The following ARHGEF17 variants were observed in gnomAD, a reference collection of about 807,000 sequenced individuals.
The protein encoded by ARHGEF17 is Rho guanine nucleotide exchange factor 17, also known as 164 kDa Rho-specific guanine-nucleotide exchange factor.
A neutral mutation model predicts 174.0 loss-of-function variants in ARHGEF17; 80 were observed. The observed-to-expected ratio is 0.46, with a 90% CI of 0.38 to 0.55. ARHGEF17 has a LOEUF of 0.55. ARHGEF17 is among the 20% of genes least tolerant of loss of function. The pLI is 0.00. For missense variants in ARHGEF17, 2,886 were observed against 2,839.7 expected (o/e 1.02, Z -0.37); for synonymous variants, 1,311 against 1,189.1 (o/e 1.10, Z -2.11).
intron 1 of ARHGEF17, 98 bp downstream of exon 1, chr11:73,311,928 C>G (rs1591716390): frequency 8.7e-6 from 12 of 1,382,460 alleles, no homozygotes; most frequent in Non-Finnish European, 1.2e-5. Context: ...TGGTCAGGTG[C>G]CCAGGTGCCA....
chr11:73,311,110 G>A lies in ARHGEF17; in HGVS notation c.2472G>A (p.Lys824=), dbSNP rs1864822548. 1.2e-6 allele frequency: 2 copies of A among 1,606,216 alleles called. No individual in the cohort carries two copies. The highest frequency in any genetic ancestry group is 1.7e-6 in the Non-Finnish European group (2 of 1,173,884). The change falls in exon 1 of 21, where the codon AAG becomes AAA. Residue 824 remains lysine, a synonymous_variant. Coordinates refer to ENST00000263674, the MANE Select transcript of ARHGEF17 (RefSeq NM_014786.4). Reference sequence around the variant, plus strand: ...ACAGGATTGCTGGCAAAGCCCCCAAGAAGAAATCCCTGAGTGACCCCAGCC... The same window carrying A: ...ACAGGATTGCTGGCAAAGCCCCCAAAAAGAAATCCCTGAGTGACCCCAGCC... ...VDDRIAGKAP[K]KKSLSDPSRR...
chr11:73,311,019 A>G lies in ARHGEF17; in HGVS notation c.2381A>G (p.Lys794Arg). Residue 794 changes from lysine to arginine, a missense_variant, in exon 1 of 21, where the codon AAG (lysine) becomes AGG (arginine). Around this residue, in one of 4 missense-constraint regions of ARHGEF17, gnomAD observed 1,728 missense variants for 1,461.2 expected, o/e 1.18. Transcript: ENST00000263674. The stretch of plus-strand genomic sequence containing the variant: ...TGGTCTGTGGGCAGTGAAGAGAGCA[A>G]GGGATATCAGGAGGTTATTCAGAGC... ...SDWSVGSEES[K>R]GYQEVIQSIV... 5.0e-6 allele frequency: 8 copies of G among 1,614,182 alleles called. No individual in the cohort carries two copies. The highest frequency in any genetic ancestry group is 6.8e-6 in the Non-Finnish European group (8 of 1,180,022).
intron 1 of ARHGEF17, among the ~76,000 whole-genome samples, chr11:73,329,938 A>G (rs1002341633): frequency 3.9e-5 from 6 of 152,190 alleles, no homozygotes; most frequent in Non-Finnish European, 8.8e-5. Context: ...ATTTCCCCAC[A>G]ATCTCACCAA....
chr11:73,358,589 C>A (rs1010943085), intron 9 of ARHGEF17, among the ~76,000 whole-genome samples: 5 of 151,316 alleles, frequency 3.3e-5, no homozygotes, highest in African/African-American at 1.2e-4. Context: ...TCCCAAGTAG[C>A]TGGGACTACA....
At chr11:73,320,335 T>A (rs1043791516) in intron 1 of ARHGEF17, among the ~76,000 whole-genome samples, 3 of 151,978 alleles carry the variant, frequency 2.0e-5, no homozygotes, top group African/African-American at 7.3e-5. Flanking sequence ...GGATTATTGT[T>A]AAGATTATTT....
chr11:73,350,245 TGA>T (rs1865532230), intron 2 of ARHGEF17, among the ~76,000 whole-genome samples: 1 of 152,226 alleles, frequency 6.6e-6, no homozygotes. Context: ...ATCCATCTAG[TGA>T]GTGGTATTAG....
At chr11:73,342,103 G>GA (rs1865379200) in intron 1 of ARHGEF17, among the ~76,000 whole-genome samples, 1 of 151,850 alleles carries the variant, frequency 6.6e-6, no homozygotes, top group African/African-American at 2.4e-5. Context: ...CTAGGTACGG[G>GA]AGCACAGTCT....
intron 1 of ARHGEF17, among the ~76,000 whole-genome samples, chr11:73,337,865 G>C (rs1304893248): frequency 6.6e-6 from 1 of 152,174 alleles, no homozygotes; most frequent in East Asian, 1.9e-4. Context: ...AGTCCACACA[G>C]AGAGGACACA....
chr11:73,310,524 G>A lies in ARHGEF17; in HGVS notation c.1886G>A (p.Gly629Glu), dbSNP rs773242491. The change falls in exon 1 of 21, where the codon GGG becomes GAG. Residue 629 changes from glycine to glutamate, a missense_variant. This residue lies in a region of ARHGEF17 where 1,728 missense variants were observed against 1,461.2 expected (regional missense o/e 1.18). Coordinates refer to ENST00000263674, the MANE Select transcript of ARHGEF17 (RefSeq NM_014786.4). ...SPDWAGDVTRGQRSQEELSGP... is the reference protein window; with the variant it reads ...SPDWAGDVTREQRSQEELSGP... ...GACTGGGCAGGGGATGTGACCCGAG[G>A]GCAGCGGTCCCAGGAGGAGCTCTCA... 1 of 1,613,964 alleles carries A rather than the reference G, an allele frequency of 6.2e-7. No homozygotes were observed. Among genetic ancestry groups the A allele is most frequent in the Non-Finnish European group, 8.5e-7 (1 of 1,180,020 alleles).
chr11:73,352,409 G>A (rs1338756923), intron 2 of ARHGEF17, among the ~76,000 whole-genome samples: 1 of 152,144 alleles, frequency 6.6e-6, no homozygotes, highest in African/African-American at 2.4e-5. Flanking sequence ...TAGATCCTAA[G>A]CTCTATCAGG....
chr11:73,312,646 T>C (rs2135785877), intron 1 of ARHGEF17, among the ~76,000 whole-genome samples: 1 of 151,942 alleles, frequency 6.6e-6, no homozygotes, highest in East Asian at 1.9e-4. Flanking sequence ...GGGAGGGGGC[T>C]GCAGAGGCTG....
At chr11:73,333,883 G>A (rs1245205711) in intron 1 of ARHGEF17, among the ~76,000 whole-genome samples, 3 of 152,216 alleles carry the variant, frequency 2.0e-5, no homozygotes, top group Non-Finnish European at 2.9e-5. Flanking sequence ...TATCAAATGC[G>A]TAGAAATGGT....
Position 73,310,508 on chromosome 11 carries a change from G to T in ARHGEF17, c.1870G>T (p.Gly624Trp). 6.2e-7 allele frequency: 1 copy of T among 1,614,046 alleles called. No individual in the cohort carries two copies. The highest frequency in any genetic ancestry group is 8.5e-7 in the Non-Finnish European group (1 of 1,180,044). The change falls in exon 1 of 21, where the codon GGG (glycine) becomes TGG (tryptophan). Residue 624 changes from glycine (G) to tryptophan (W), a missense_variant. Coordinates refer to ENST00000263674, the MANE Select transcript of ARHGEF17 (RefSeq NM_014786.4). ...DAPPGSPDWA[G>W]DVTRGQRSQE... ...CCCCCCTGGAAGCCCTGACTGGGCAGGGGATGTGACCCGAGGGCAGCGGTC... is the reference window on the plus strand; with the variant it reads ...CCCCCCTGGAAGCCCTGACTGGGCATGGGATGTGACCCGAGGGCAGCGGTC...
rs1865885837 is a variant in ARHGEF17 at position 73,368,912 on chromosome 11, C to T, written c.*1132C>T. ...AGCCCCCTCGCTTCTTCAGCTAAAA[C>T]TCCAAAGGTTTGGTTTCAGATGGGG... On this transcript the variant is annotated 3_prime_UTR_variant, in exon 21 of 21. Transcript: ENST00000263674. The T allele has an allele frequency of 6.6e-6, 1 of 152,268 alleles. No homozygotes were observed. The highest frequency in any genetic ancestry group is 2.1e-4 in the South Asian group (1 of 4,818). The allele number at this position is 152,268 out of a possible 1,614,324, so 9.4% of individuals were successfully genotyped here. A position where few individuals can be genotyped will look rare whatever the true frequency, so the allele number is the denominator to read the frequency against.
Position 73,308,832 on chromosome 11 carries a change from C to T in ARHGEF17, c.194C>T (p.Pro65Leu). ...CGCGTGTCCAAGCTGGCGTCTGGGC[C>T]CCTGGCCGCCCCCGCGCAGCCGCGC... ...SRRVSKLASG[P>L]LAAPAQPRPL... Residue 65 changes from proline to leucine, a missense_variant, in exon 1 of 21, where the codon CCC becomes CTC. Coordinates refer to ENST00000263674, the MANE Select transcript of ARHGEF17 (RefSeq NM_014786.4). The T allele has an allele frequency of 1.5e-6, 2 of 1,341,038 alleles. No individual in the cohort carries two copies. The highest frequency in any genetic ancestry group is 3.1e-5 in the East Asian group (1 of 32,138). 83.1% of individuals were successfully genotyped at this position (1,341,038 alleles called of 1,614,324 possible).
At position 73,314,924 on chromosome 11, in the gene ARHGEF17, G is replaced by A. The variant is rs115016104; in HGVS notation, c.3192+3094G>A. The stretch of plus-strand genomic sequence containing the variant: ...ATGCCACAACTGTAGCCCACAGCAG[G>A]GGGTGACTTGTCTCTCAGCATCATA... On this transcript the variant is annotated intron_variant, in intron 1 of 20. Transcript: ENST00000263674. 1.5e-3 allele frequency among the ~76,000 whole-genome samples: 225 copies of A among 152,296 alleles called. 1 individual carries two copies. Among genetic ancestry groups the A allele is most frequent in the African/African-American group, 5.2e-3 (214 of 41,544 alleles).
In ARHGEF17 at chr11:73,365,404, G is replaced by A; in HGVS notation, c.5565G>A (p.Val1855=). Residue 1855 remains valine (V), a synonymous_variant, in exon 19 of 21, where the codon GTG becomes GTA. Transcript: ENST00000263674. This position sits in a 1 kb window ranked among gnomAD's most constrained non-coding sequence, Gnocchi z 4.9. ...GCCTTCCCCAGCACATGTTTTACGT[G>A]GGTCAGGATTCAAGCCGCTGCGTGG... is the stretch of plus-strand genomic sequence containing the variant. The part of the protein sequence containing the change: ...DTLQLEHMFY[V]GQDSSRCVAC... The A allele has an allele frequency of 3.1e-6, 5 of 1,613,968 alleles. No individual in the cohort carries two copies. The highest frequency in any genetic ancestry group is 4.2e-6 in the Non-Finnish European group (5 of 1,180,020).
At chr11:73,356,045 A>G (rs1190415419) in intron 5 of ARHGEF17, 92 bp downstream of exon 5, 3 of 1,573,966 alleles carry the variant, frequency 1.9e-6, no homozygotes, top group East Asian at 2.2e-5. Flanking sequence ...TGAGCCTGAC[A>G]TCAGGGTCCC....
chr11:73,313,556 AC>A (rs1039589277), intron 1 of ARHGEF17, among the ~76,000 whole-genome samples: 1 of 151,538 alleles, frequency 6.6e-6, no homozygotes, highest in African/African-American at 2.4e-5. Flanking sequence ...ATTCTCCTCT[AC>A]CCCCCACCCC....
Sources: gnomAD v4.1 joint callset for allele counts (sites outside exome capture counted in the v4.1 genomes callset) on GRCh38, gnomAD v4.1.1 for gene constraint, gnomAD v4.1.1 regional missense constraint, Gnocchi (gnomAD v3.1) non-coding constraint, MANE v1.5 for transcripts, NCBI Gene and HGNC (gene_info 2026-07-23, HGNC 2026-07-21) for gene names.